The following RASEF variants were observed in gnomAD, a reference collection of about 807,000 sequenced individuals.
RASEF encodes the protein RAS and EF-hand domain containing.
RASEF carries 68 observed loss-of-function variants against 90.1 expected under a neutral mutation model. The ratio of observed to expected loss-of-function variants is 0.75; its 90% CI spans 0.62 to 0.92. The LOEUF (loss-of-function observed/expected upper bound fraction) is 0.92. RASEF is among the 40% of genes least tolerant of loss of function. The pLI is 0.00. For missense variants in RASEF, 949 were observed against 937.2 expected (o/e 1.01, Z -0.16); for synonymous variants, 331 against 345.2 (o/e 0.96, Z 0.46).
chr9:83,028,737 C>T (rs917729541), intron 1 of RASEF, among the ~76,000 whole-genome samples: 2 of 152,174 alleles, frequency 1.3e-5, no homozygotes, highest in Non-Finnish European at 2.9e-5. Flanking sequence ...TATATGCATC[C>T]TCTCTTCAAA....
At chr9:83,154,650 C>G in the RASEF span, among the ~76,000 whole-genome samples, 1 of 152,210 alleles carries the variant, frequency 6.6e-6, no homozygotes, top group Admixed American at 6.5e-5. Context: ...CACAAGTTCT[C>G]TACCTAGGTT....
chr9:83,048,856 C>CA (rs1829981907), intron 1 of RASEF: 1 of 738,930 alleles, frequency 1.4e-6, no homozygotes, highest in African/African-American at 1.9e-5. Flanking sequence ...AGGCTGTGTG[C>CA]AGTGGCTCAC....
the RASEF span, among the ~76,000 whole-genome samples, chr9:83,213,198 G>A: frequency 2.0e-5 from 3 of 151,340 alleles, no homozygotes; most frequent in African/African-American, 4.9e-5. Context: ...TCAGGAGTTC[G>A]AGACCAGCCT....
At chr9:83,180,155 T>C in the RASEF span, among the ~76,000 whole-genome samples, 1 of 152,136 alleles carries the variant, frequency 6.6e-6, no homozygotes, top group African/African-American at 2.4e-5. Context: ...TTTAAGAAAA[T>C]GGTTTAAGCC....
Position 82,982,048 on chromosome 9 carries a change from C to G in RASEF, c.*629G>C, listed in dbSNP as rs1212496765. ...ATTTCAGAAGTGAGAAAAATCAATA[C>G]TCCAATATTAAAAAGCAGGAATAAC... On this transcript the variant is annotated 3_prime_UTR_variant, in exon 17 of 17. Coordinates refer to ENST00000376447, the MANE Select transcript of RASEF (RefSeq NM_152573.4). 1 of 152,144 alleles carries G rather than the reference C, an allele frequency of 6.6e-6. No homozygotes were observed. Among genetic ancestry groups the G allele is most frequent in the Non-Finnish European group, 1.5e-5 (1 of 68,034 alleles). The allele number at this position is 152,144 out of a possible 1,614,324, so 9.4% of individuals were successfully genotyped here.
the RASEF span, among the ~76,000 whole-genome samples, chr9:83,134,477 C>T: frequency 6.6e-6 from 1 of 150,678 alleles, no homozygotes; most frequent in African/African-American, 2.4e-5. Flanking sequence ...AAGATAGGGC[C>T]TTTGTTCAGT....
At chr9:83,139,296 A>C in the RASEF span, among the ~76,000 whole-genome samples, 1 of 152,130 alleles carries the variant, frequency 6.6e-6, no homozygotes, top group East Asian at 1.9e-4. Flanking sequence ...TATACATTTG[A>C]CCCTTGAACA....
At chr9:83,167,826 C>A in the RASEF span, among the ~76,000 whole-genome samples, 3 of 152,264 alleles carry the variant, frequency 2.0e-5, no homozygotes, top group African/African-American at 7.2e-5. Flanking sequence ...CAAGATTCAT[C>A]ATGTATCAGT....
the RASEF span, among the ~76,000 whole-genome samples, chr9:83,172,829 C>T: frequency 2.0e-5 from 3 of 151,872 alleles, no homozygotes; most frequent in Non-Finnish European, 4.4e-5. Flanking sequence ...ATGAATTTGT[C>T]TGCAGATTGA....
In RASEF at chr9:82,980,416, T is replaced by A. The variant is rs1460727702; in HGVS notation, c.*2261A>T. 1 of 152,160 alleles carries A rather than the reference T, an allele frequency of 6.6e-6. No individual in the cohort carries two copies. Among genetic ancestry groups the A allele is most frequent in the Non-Finnish European group, 1.5e-5 (1 of 68,022 alleles). 9.4% of individuals were successfully genotyped at this position (152,160 alleles called of 1,614,324 possible). ...TAATTTGGATTATGTTACCAAAATA[T>A]TTATCAGGGCTCAAATACTTAAAGA... On this transcript the variant is annotated 3_prime_UTR_variant, in exon 17 of 17. Coordinates refer to ENST00000376447, the MANE Select transcript of RASEF (RefSeq NM_152573.4).
the RASEF span, among the ~76,000 whole-genome samples, chr9:83,192,448 C>T: frequency 1.3e-5 from 2 of 152,084 alleles, no homozygotes; most frequent in African/African-American, 2.4e-5. Flanking sequence ...AGCAAATTAA[C>T]GCAGTAACAG....
the RASEF span, among the ~76,000 whole-genome samples, chr9:83,086,010 A>T: frequency 1.3e-5 from 2 of 152,240 alleles, no homozygotes; most frequent in Non-Finnish European, 2.9e-5. Flanking sequence ...CACACTGCAC[A>T]CATTCCAAAC....
intron 1 of RASEF, among the ~76,000 whole-genome samples, chr9:83,032,235 TG>T (rs1395872327): frequency 6.6e-6 from 1 of 152,060 alleles, no homozygotes; most frequent in Non-Finnish European, 1.5e-5. Flanking sequence ...AACGATACAA[TG>T]GCCACACACA....
the RASEF span, among the ~76,000 whole-genome samples, chr9:83,155,372 G>A: frequency 6.6e-6 from 1 of 152,246 alleles, no homozygotes; most frequent in Admixed American, 6.5e-5. Context: ...CATGAGGCCA[G>A]GGAGGCCTCA....
the RASEF span, among the ~76,000 whole-genome samples, chr9:83,097,460 A>G: frequency 6.6e-6 from 1 of 152,242 alleles, no homozygotes; most frequent in Admixed American, 6.5e-5. Context: ...ATCAGAGTGA[A>G]CAGGCAACCT....
chr9:83,174,982 G>A, the RASEF span, among the ~76,000 whole-genome samples: 9 of 151,948 alleles, frequency 5.9e-5, no homozygotes, highest in East Asian at 1.7e-3. Flanking sequence ...TATCACCTTG[G>A]AAAACTCATT....
the RASEF span, among the ~76,000 whole-genome samples, chr9:83,139,060 G>A: frequency 2.0e-5 from 3 of 152,118 alleles, no homozygotes; most frequent in African/African-American, 7.2e-5. Context: ...AATTTTCCCA[G>A]TTTGTGTCTT....
the RASEF span, among the ~76,000 whole-genome samples, chr9:83,118,469 T>C: frequency 6.6e-6 from 1 of 152,192 alleles, no homozygotes; most frequent in Non-Finnish European, 1.5e-5. Context: ...TAAATACATA[T>C]TTTTTATTTC....
At chr9:83,084,625 A>C in the RASEF span, among the ~76,000 whole-genome samples, 2 of 152,156 alleles carry the variant, frequency 1.3e-5, no homozygotes, top group Admixed American at 1.3e-4. Context: ...AATGTGGGAC[A>C]ATTTGCTCTC....
Sources: gnomAD v4.1 joint callset for allele counts (sites outside exome capture counted in the v4.1 genomes callset) on GRCh38, gnomAD v4.1.1 for gene constraint, MANE v1.5 for transcripts, NCBI Gene and HGNC (gene_info 2026-07-23, HGNC 2026-07-21) for gene names.